Variants in KIAA1217 observed in about 807,000 individuals in gnomAD.
KIAA1217 encodes the protein sickle tail protein homolog.
KIAA1217 carries 88 observed loss-of-function variants against 163.9 expected under a neutral mutation model. The observed-to-expected ratio is 0.54, with a 90% CI of 0.45 to 0.64. KIAA1217 has a LOEUF of 0.64. Ranked by LOEUF, KIAA1217 falls within the 30% of genes least tolerant of loss-of-function variation. The probability of loss-of-function intolerance (pLI) is 0.00; values close to 1 mark genes in which losing one functional copy is unlikely to be tolerated. For synonymous variants in KIAA1217, 903 were observed against 923.1 expected (o/e 0.98, Z 0.39); for missense variants, 2,372 against 2,475.0 (o/e 0.96, Z 0.88).
chr10:24,003,536 G>T (rs1160818532), intron 1 of KIAA1217, among the ~76,000 whole-genome samples: 1 of 152,130 alleles, frequency 6.6e-6, no homozygotes, highest in Non-Finnish European at 1.5e-5. Flanking sequence ...CACATTTGAT[G>T]AAAATGCACC....
At chr10:24,230,565 T>C (rs945029281) in intron 2 of KIAA1217, among the ~76,000 whole-genome samples, 2 of 148,410 alleles carry the variant, frequency 1.3e-5, no homozygotes, top group African/African-American at 5.0e-5. Flanking sequence ...GAATGCATCT[T>C]GGCAGGTGCG....
chr10:23,771,069 G>A (rs1380534426), intron 1 of KIAA1217, among the ~76,000 whole-genome samples: 3 of 152,160 alleles, frequency 2.0e-5, no homozygotes, highest in African/African-American at 4.8e-5. Context: ...TGTAAGAGCT[G>A]AAATATTATT....
chr10:23,899,263 G>A (rs910289626), intron 1 of KIAA1217, among the ~76,000 whole-genome samples: 10 of 152,122 alleles, frequency 6.6e-5, no homozygotes, highest in East Asian at 1.9e-4. Flanking sequence ...GATGTCCAAC[G>A]TGTTTATACT....
chr10:23,747,473 G>T (rs1012398085), intron 1 of KIAA1217, among the ~76,000 whole-genome samples: 3 of 152,122 alleles, frequency 2.0e-5, no homozygotes, highest in Non-Finnish European at 4.4e-5. Flanking sequence ...ACAGAGAACA[G>T]TTCAAGGAAA....
chr10:23,779,850 C>A (rs563006190), intron 1 of KIAA1217, among the ~76,000 whole-genome samples: 5 of 152,072 alleles, frequency 3.3e-5, no homozygotes, highest in Admixed American at 6.6e-5. Flanking sequence ...GTATTTTTAC[C>A]GTATCTTTTC....
intron 2 of KIAA1217, among the ~76,000 whole-genome samples, chr10:24,370,124 G>A (rs2051377280): frequency 6.6e-6 from 1 of 152,060 alleles, no homozygotes; most frequent in African/African-American, 2.4e-5. Flanking sequence ...ACTTAGCCAG[G>A]CGTGATGGCG....
chr10:24,356,981 G>T (rs1485180430), intron 2 of KIAA1217, among the ~76,000 whole-genome samples: 1 of 152,240 alleles, frequency 6.6e-6, no homozygotes, highest in Non-Finnish European at 1.5e-5. Context: ...TTAAGGGCCA[G>T]ATAAATGCCT....
At chr10:23,888,251 G>C (rs577262948) in intron 1 of KIAA1217, among the ~76,000 whole-genome samples, 1 of 151,864 alleles carries the variant, frequency 6.6e-6, no homozygotes, top group Non-Finnish European at 1.5e-5. Flanking sequence ...CTAGATTTAA[G>C]AACTTGAGCA....
intron 2 of KIAA1217, among the ~76,000 whole-genome samples, chr10:24,340,152 G>C (rs1328851849): frequency 6.6e-6 from 1 of 152,144 alleles, no homozygotes; most frequent in Non-Finnish European, 1.5e-5. Context: ...CTTTTCCTTT[G>C]GAGGGGTGTG....
At chr10:24,337,131 C>T (rs774653579) in intron 2 of KIAA1217, among the ~76,000 whole-genome samples, 2 of 152,214 alleles carry the variant, frequency 1.3e-5, no homozygotes, top group Non-Finnish European at 2.9e-5. Context: ...GCAACTCACA[C>T]TGTGAGATTA....
At chr10:23,746,917 T>C (rs1256375715) in intron 1 of KIAA1217, among the ~76,000 whole-genome samples, 3 of 151,876 alleles carry the variant, frequency 2.0e-5, no homozygotes, top group African/African-American at 7.3e-5. Flanking sequence ...CCAGCAGCTG[T>C]AGGGAAGGAG....
intron 5 of KIAA1217, among the ~76,000 whole-genome samples, chr10:24,458,299 C>A (rs967100729): frequency 6.6e-6 from 1 of 152,182 alleles, no homozygotes; most frequent in Non-Finnish European, 1.5e-5. Context: ...GAAGGTATTC[C>A]TTTGAAATGG....
intron 10 of KIAA1217, 152 bp downstream of exon 10, chr10:24,513,586 G>T: frequency 1.4e-6 from 1 of 698,656 alleles, no homozygotes; most frequent in Non-Finnish European, 2.4e-6. Context: ...GCTGGTATAT[G>T]TGGACACTTC....
At chr10:24,477,733 G>A (rs1489695997) in intron 6 of KIAA1217, among the ~76,000 whole-genome samples, 3 of 152,144 alleles carry the variant, frequency 2.0e-5, no homozygotes, top group East Asian at 3.9e-4. Flanking sequence ...GGAAGAAAGA[G>A]GACAGCATTC....
intron 2 of KIAA1217, among the ~76,000 whole-genome samples, chr10:24,338,184 G>C (rs1347509214): frequency 1.3e-5 from 2 of 152,152 alleles, no homozygotes; most frequent in African/African-American, 4.8e-5. Context: ...TGATTTTCTA[G>C]GTTCTGCCAA....
intron 1 of KIAA1217, among the ~76,000 whole-genome samples, chr10:23,710,181 T>C (rs1019783517): frequency 1.4e-5 from 2 of 146,466 alleles, no homozygotes; most frequent in East Asian, 1.9e-4. Context: ...TTATGCAGAC[T>C]GCACTTTTTC....
At chr10:24,061,353 C>A (rs902514190) in intron 2 of KIAA1217, among the ~76,000 whole-genome samples, 7 of 152,242 alleles carry the variant, frequency 4.6e-5, no homozygotes, top group Admixed American at 2.6e-4. Flanking sequence ...TATCCATTAA[C>A]ATATTTTCAG....
At chr10:23,895,792 C>A (rs1353023682) in intron 1 of KIAA1217, among the ~76,000 whole-genome samples, 5 of 151,924 alleles carry the variant, frequency 3.3e-5, no homozygotes, top group Non-Finnish European at 7.4e-5. Flanking sequence ...CACATATACA[C>A]CATGGAATAC....
chr10:23,967,309 T>C (rs1383874446), intron 1 of KIAA1217, among the ~76,000 whole-genome samples: 1 of 151,700 alleles, frequency 6.6e-6, no homozygotes, highest in African/African-American at 2.4e-5. Flanking sequence ...ATAACAGAAA[T>C]GAATAAGAAG....
Sources: gnomAD v4.1 joint callset for allele counts (sites outside exome capture counted in the v4.1 genomes callset) on GRCh38, gnomAD v4.1.1 for gene constraint, MANE v1.5 for transcripts, NCBI Gene and HGNC (gene_info 2026-07-23, HGNC 2026-07-21) for gene names.